DIAPH2: variants seen among roughly 807,000 people sequenced by gnomAD.
The protein encoded by DIAPH2 is diaphanous related formin 2.
Under a neutral mutation model 92.7 loss-of-function variants are expected in DIAPH2, and 35 were observed. The ratio of observed to expected loss-of-function variants is 0.38; its 90% confidence interval spans 0.29 to 0.50. The LOEUF (loss-of-function observed/expected upper bound fraction) is 0.50, where lower values mean the gene tolerates loss of function less well. Among genes scored for constraint, DIAPH2 ranks in the 20% least tolerant of loss-of-function variants. The pLI, the probability that DIAPH2 is intolerant of heterozygous loss-of-function variation, is 0.94. For missense variants in DIAPH2, 701 were observed against 819.5 expected (o/e 0.86, Z 1.77); for synonymous variants, 301 against 280.4 (o/e 1.07, Z -0.73).
intron 4 of DIAPH2, among the ~76,000 whole-genome samples, chrX:96,859,534 A>T (rs1479420473): frequency 1.8e-5 from 2 of 111,056 alleles, no homozygotes; most frequent in East Asian, 2.8e-4. Flanking sequence ...TCACATTTTT[A>T]AAAAAGGGAG....
intron 22 of DIAPH2, among the ~76,000 whole-genome samples, chrX:97,233,421 C>T (rs1011932218): frequency 1.8e-5 from 2 of 111,827 alleles, no homozygotes; most frequent in Admixed American, 9.5e-5. Context: ...TAACAAGATA[C>T]GTTTTATAGG....
chrX:96,849,007 G>C (rs1403871070), intron 4 of DIAPH2, among the ~76,000 whole-genome samples: 1 of 111,730 alleles, frequency 9.0e-6, no homozygotes, highest in Admixed American at 9.5e-5. Context: ...ACTGTCATTT[G>C]CTGATTTTTG....
At chrX:97,382,844 T>G (rs2069563566) in intron 24 of DIAPH2, among the ~76,000 whole-genome samples, 1 of 112,572 alleles carries the variant, frequency 8.9e-6, no homozygotes. Flanking sequence ...TATTTCAATA[T>G]AAACCCCTCC....
At chrX:96,708,008 G>A (rs1260560381) in intron 1 of DIAPH2, among the ~76,000 whole-genome samples, 1 of 111,385 alleles carries the variant, frequency 9.0e-6, no homozygotes. Context: ...CATTGCAGAT[G>A]AGCTGTTCTA....
intron 26 of DIAPH2, among the ~76,000 whole-genome samples, chrX:97,548,114 C>T (rs2071194309): frequency 8.9e-6 from 1 of 111,912 alleles, no homozygotes; most frequent in South Asian, 3.7e-4. Context: ...ACAACAGAAA[C>T]TACTCCCTTC....
intron 14 of DIAPH2, among the ~76,000 whole-genome samples, chrX:96,948,036 T>C (rs1341808956): frequency 8.9e-6 from 1 of 111,772 alleles, no homozygotes; most frequent in African/African-American, 3.3e-5. Context: ...GCTATACAAA[T>C]GTTTTGGTTA....
At chrX:97,250,938 C>CA (rs1232498231) in intron 23 of DIAPH2, among the ~76,000 whole-genome samples, 1 of 111,159 alleles carries the variant, frequency 9.0e-6, no homozygotes, top group African/African-American at 3.3e-5. Context: ...AAAACATAGA[C>CA]AAAAAACAAA....
chrX:97,249,505 CAAAAT>C (rs2068169890), intron 23 of DIAPH2, among the ~76,000 whole-genome samples: 1 of 111,050 alleles, frequency 9.0e-6, no homozygotes, highest in South Asian at 3.8e-4. Context: ...TTTAAAGAAA[CAAAAT>C]AAAATACACA....
At chrX:97,401,624 C>A (rs1242530573) in intron 25 of DIAPH2, among the ~76,000 whole-genome samples, 1 of 111,731 alleles carries the variant, frequency 9.0e-6, no homozygotes, top group African/African-American at 3.3e-5. Context: ...AACCTGGGAA[C>A]TGGTTAGAAA....
At chrX:97,399,805 A>G (rs2069737685) in intron 25 of DIAPH2, among the ~76,000 whole-genome samples, 1 of 112,568 alleles carries the variant, frequency 8.9e-6, no homozygotes, top group South Asian at 3.7e-4. Context: ...TCTGAAAATC[A>G]TTAGGTTGAT....
At chrX:97,261,394 TTAAG>T (rs1200482561) in intron 23 of DIAPH2, among the ~76,000 whole-genome samples, 2 of 112,176 alleles carry the variant, frequency 1.8e-5, no homozygotes, top group African/African-American at 6.5e-5. Flanking sequence ...CAAGATGTGC[TTAAG>T]TTAGTAATGC....
At chrX:96,685,833 T>C (rs2063768123) in intron 1 of DIAPH2, among the ~76,000 whole-genome samples, 1 of 111,751 alleles carries the variant, frequency 8.9e-6, no homozygotes, top group African/African-American at 3.3e-5. Flanking sequence ...CGAGTGTGTG[T>C]AATAGGCATA....
At position 96,707,139 on chromosome X, in the gene DIAPH2, T is replaced by C. The variant is rs192079209; in HGVS notation, c.132+21949T>C. ...CATGATGAAACCCTGTCTCTACTTTTTGATTGATTGATTGATGGATTGATT... is the reference window on the plus strand; with the variant it reads ...CATGATGAAACCCTGTCTCTACTTTCTGATTGATTGATTGATGGATTGATT... On this transcript the variant is annotated intron_variant, in intron 1 of 26. Transcript: ENST00000324765. Among the ~76,000 whole-genome samples, 10 of 108,443 alleles carry C rather than the reference T, an allele frequency of 9.2e-5. No homozygotes were observed. The East Asian group carries it at 3.0e-3, about 33-fold the overall frequency. The allele number at this position is 108,443 out of a possible 115,157, so 94.2% of individuals were successfully genotyped here. A position where few individuals can be genotyped will look rare whatever the true frequency, so the allele number is the denominator to read the frequency against.
chrX:96,687,362 T>C (rs903762664), intron 1 of DIAPH2, among the ~76,000 whole-genome samples: 6 of 112,081 alleles, frequency 5.4e-5, no homozygotes, highest in African/African-American at 1.9e-4. Flanking sequence ...ATTCATAAGG[T>C]ATAAGGCTTG....
chrX:97,027,034 G>A (rs932373012), intron 17 of DIAPH2, among the ~76,000 whole-genome samples: 1 of 111,787 alleles, frequency 8.9e-6, no homozygotes, highest in Non-Finnish European at 1.9e-5. Flanking sequence ...AGGAATTTTA[G>A]GAGTCCCAAA....
intron 3 of DIAPH2, among the ~76,000 whole-genome samples, chrX:96,752,994 C>T (rs1279367249): frequency 9.0e-6 from 1 of 111,288 alleles, no homozygotes; most frequent in African/African-American, 3.3e-5. Flanking sequence ...TCTGTGATGG[C>T]GTGATATCAG....
intron 5 of DIAPH2, among the ~76,000 whole-genome samples, chrX:96,890,762 G>A (rs2065301995): frequency 8.9e-6 from 1 of 112,083 alleles, no homozygotes; most frequent in Non-Finnish European, 1.9e-5. Context: ...AATCACTCAG[G>A]TGATAAAGGC....
chrX:96,927,466 CTTT>C (rs1301168818), intron 9 of DIAPH2, among the ~76,000 whole-genome samples: 2 of 109,963 alleles, frequency 1.8e-5, no homozygotes, highest in Non-Finnish European at 3.8e-5. Context: ...GGCCAGATCT[CTTT>C]TTTTCTTTAA....
rs767641462 is a variant in DIAPH2, at chrX:97,371,722, T to C, written c.3010-12187T>C. On this transcript the variant is annotated intron_variant, in intron 24 of 26. Transcript: ENST00000324765. The stretch of plus-strand genomic sequence containing the variant: ...AAATTGGTCTCATCAAAAACCTTAT[T>C]GATTGTGCTGCCTCTCCCATCTTCT... Among the ~76,000 whole-genome samples the C allele has an allele frequency of 4.6e-3, 509 of 111,677 alleles. 3 individuals are homozygous for C. The highest frequency in any genetic ancestry group is 0.016 in the African/African-American group (490 of 30,697).
Sources: gnomAD v4.1 joint callset for allele counts (sites outside exome capture counted in the v4.1 genomes callset) on GRCh38, gnomAD v4.1.1 for gene constraint, MANE v1.5 for transcripts, NCBI Gene and HGNC (gene_info 2026-07-23, HGNC 2026-07-21) for gene names.